KCNMA1: variants seen among roughly 807,000 people sequenced by gnomAD.
KCNMA1 encodes potassium calcium-activated channel subfamily M alpha 1.
Under a neutral mutation model 140.0 loss-of-function variants are expected in KCNMA1, and 29 were observed. That is an observed-to-expected ratio of 0.21 (90% CI 0.15 to 0.28). The LOEUF is 0.28. Ranked by LOEUF, KCNMA1 falls within the 10% of genes least tolerant of loss-of-function variation. KCNMA1 has a pLI of 1.00. For synonymous variants in KCNMA1, 612 were observed against 611.9 expected (o/e 1.00, Z 0.00); for missense variants, 880 against 1,602.2 (o/e 0.55, Z 7.70).
intron 6 of KCNMA1, among the ~76,000 whole-genome samples, chr10:77,119,996 GGTCCCAGCCT>G (rs1452472507): frequency 6.6e-6 from 1 of 152,182 alleles, no homozygotes; most frequent in Non-Finnish European, 1.5e-5. Context: ...CAGGAAGCTA[GGTCCCAGCCT>G]GTGTTACCAG....
chr10:77,189,991 T>G (rs1429850869), intron 3 of KCNMA1, among the ~76,000 whole-genome samples: 1 of 152,216 alleles, frequency 6.6e-6, no homozygotes, highest in Non-Finnish European at 1.5e-5. Flanking sequence ...TACTTTATTT[T>G]CTACTATGTT....
intron 3 of KCNMA1, among the ~76,000 whole-genome samples, chr10:77,223,372 A>T (rs544257777): frequency 9.1e-4 from 138 of 152,270 alleles, no homozygotes; most frequent in African/African-American, 3.2e-3. Flanking sequence ...TGCTCAGTTA[A>T]CCTGCACATC....
At chr10:76,898,958 T>C (rs879276177) in intron 25 of KCNMA1, among the ~76,000 whole-genome samples, 24 of 151,940 alleles carry the variant, frequency 1.6e-4, no homozygotes, top group Non-Finnish European at 2.8e-4. Context: ...AATAAACTTA[T>C]GACAATATAA....
intron 2 of KCNMA1, among the ~76,000 whole-genome samples, chr10:77,344,844 C>G (rs1234673643): frequency 6.6e-6 from 1 of 152,072 alleles, no homozygotes; most frequent in East Asian, 1.9e-4. Flanking sequence ...AGACGGAGAC[C>G]TTTCCTGTCT....
chr10:77,433,869 G>C (rs2097201163), intron 1 of KCNMA1: 1 of 152,160 alleles, frequency 6.6e-6, no homozygotes, highest in Non-Finnish European at 1.5e-5. Context: ...AGATGAGTTT[G>C]ACACCGCCAA....
At position 77,012,141 on chromosome 10, in the gene KCNMA1, C is replaced by T. The variant is rs181440919; in HGVS notation, c.2016-98G>A. 318 of 1,597,246 alleles carry T rather than the reference C, an allele frequency of 2.0e-4. 3 individuals carry two copies. The African/African-American group carries it at 2.1e-3, about 11-fold the overall frequency. On this transcript the variant is annotated intron_variant, in intron 17 of 27. Transcript: ENST00000286628. ...ACGGTGGTGCCAAATTAATGAAACACGCCAGCATTAATTTCCTTTAATCTT... is the reference window on the plus strand; with the variant it reads ...ACGGTGGTGCCAAATTAATGAAACATGCCAGCATTAATTTCCTTTAATCTT...
chr10:77,178,527 C>T (rs1194819294), intron 5 of KCNMA1, among the ~76,000 whole-genome samples: 5 of 152,072 alleles, frequency 3.3e-5, no homozygotes, highest in East Asian at 1.9e-4. Context: ...GCCAACATGG[C>T]GATCCCGTCT....
At chr10:77,296,171 G>C (rs1264296621) in intron 2 of KCNMA1, among the ~76,000 whole-genome samples, 1 of 152,158 alleles carries the variant, frequency 6.6e-6, no homozygotes, top group Non-Finnish European at 1.5e-5. Context: ...TTATCCAGGT[G>C]GGCCCACTGT....
chr10:77,499,172 A>T (rs1346933273), intron 1 of KCNMA1, among the ~76,000 whole-genome samples: 1 of 152,164 alleles, frequency 6.6e-6, no homozygotes, highest in Non-Finnish European at 1.5e-5. Flanking sequence ...TTATTTCTGA[A>T]ACAAGATGTG....
chr10:76,873,091 G>A (rs1332744094), downstream of KCNMA1: 1 of 152,124 alleles, frequency 6.6e-6, no homozygotes, highest in African/African-American at 2.4e-5. Context: ...AGGGCTAAAG[G>A]TGCCTCTGCC....
intron 3 of KCNMA1, among the ~76,000 whole-genome samples, chr10:77,245,996 C>T (rs561599324): frequency 1.3e-5 from 2 of 152,294 alleles, no homozygotes; most frequent in Non-Finnish European, 2.9e-5. Context: ...ACATGGAAGG[C>T]CTGTGATAGG....
intron 2 of KCNMA1, among the ~76,000 whole-genome samples, chr10:77,324,433 A>C (rs2083275222): frequency 6.6e-6 from 1 of 152,226 alleles, no homozygotes; most frequent in Admixed American, 6.5e-5. Context: ...CCTAGGTCTT[A>C]GCTTCTTCAC....
intron 3 of KCNMA1, among the ~76,000 whole-genome samples, chr10:77,235,884 G>C (rs1420150673): frequency 6.6e-6 from 1 of 152,188 alleles, no homozygotes; most frequent in Non-Finnish European, 1.5e-5. Flanking sequence ...TGAGCTTCTG[G>C]GAGGCAATGT....
chr10:77,349,902 T>C (rs287174), intron 2 of KCNMA1, among the ~76,000 whole-genome samples: 36,437 of 151,738 alleles, frequency 0.24, 4,770 homozygotes, highest in Admixed American at 0.29. Context: ...CATTTCTTCT[T>C]TTATTTTTTG....
intron 5 of KCNMA1, among the ~76,000 whole-genome samples, chr10:77,130,768 T>C (rs182378761): frequency 6.6e-6 from 1 of 152,250 alleles, no homozygotes; most frequent in East Asian, 1.9e-4. Flanking sequence ...GGGTAGATAC[T>C]CTGTTAGAAA....
Position 77,082,002 on chromosome 10 carries a change from CTTTTCTTTTTTTTTTTTT to C in KCNMA1, c.1524-2470_1524-2453del, listed in dbSNP as rs1270934658. Reference sequence around the variant, plus strand: ...CCTTTGACCAGTAATTTCTTTTTTTCTTTTCTTTTTTTTTTTTTTTTTTTTTTTTTTTTTTTTTTTAAG... The same window carrying C: ...CCTTTGACCAGTAATTTCTTTTTTTCTTTTTTTTTTTTTTTTTTTTTTAAG... On this transcript the variant is annotated intron_variant, in intron 12 of 27. Coordinates refer to ENST00000286628, the MANE Select transcript of KCNMA1 (RefSeq NM_001161352.2). 4.3e-3 allele frequency among the ~76,000 whole-genome samples: 221 copies of C among 51,692 alleles called. 4 individuals carry two copies. The highest frequency in any genetic ancestry group is 0.01 in the African/African-American group (188 of 18,100). 33.9% of individuals were successfully genotyped at this position (51,692 alleles called of 152,430 possible). A position where few individuals can be genotyped will look rare whatever the true frequency, so the allele number is the denominator to read the frequency against.
rs549057911 is a variant in KCNMA1, at chr10:77,082,056, G to A, written c.1524-2506C>T. On this transcript the variant is annotated intron_variant, in intron 12 of 27. Transcript: ENST00000286628. ...TTTTTTTTTTTTAAGACGGAGCCTCGCTGGCTCTGTTGCCCAGGCTGTAGT... is the reference window on the plus strand; with the variant it reads ...TTTTTTTTTTTTAAGACGGAGCCTCACTGGCTCTGTTGCCCAGGCTGTAGT... Among the ~76,000 whole-genome samples, 173 of 113,394 alleles carry A rather than the reference G, an allele frequency of 1.5e-3. 1 individual carries two copies. The highest frequency in any genetic ancestry group is 5.4e-3 in the African/African-American group (158 of 29,346). 74.4% of individuals were successfully genotyped at this position (113,394 alleles called of 152,430 possible).
At chr10:77,484,715 G>A (rs1603628471) in intron 1 of KCNMA1, among the ~76,000 whole-genome samples, 1 of 152,140 alleles carries the variant, frequency 6.6e-6, no homozygotes, top group Non-Finnish European at 1.5e-5. Flanking sequence ...AGACATGCTG[G>A]GCCCCACCCA....
chr10:77,066,345 A>C (rs751173216), intron 14 of KCNMA1, among the ~76,000 whole-genome samples: 1 of 152,136 alleles, frequency 6.6e-6, no homozygotes, highest in Non-Finnish European at 1.5e-5. Context: ...TGCTGTATTG[A>C]ATGTGGTGTT....
Sources: allele counts gnomAD v4.1 joint callset (sites outside exome capture counted in the v4.1 genomes callset), GRCh38; gene constraint gnomAD v4.1.1; transcripts MANE v1.5; gene names NCBI Gene and HGNC (gene_info 2026-07-23, HGNC 2026-07-21).